The following LARP4B variants were observed in gnomAD, a reference collection of about 807,000 sequenced individuals.
LARP4B encodes la-related protein 4B.
In LARP4B, 12 loss-of-function variants were observed where a neutral mutation model predicts 89.8. The ratio of observed to expected loss-of-function variants is 0.13; its 90% CI spans 0.09 to 0.22. The LOEUF (loss-of-function observed/expected upper bound fraction) is 0.22, where lower values mean the gene tolerates loss of function less well. Among genes scored for constraint, LARP4B ranks in the 10% least tolerant of loss-of-function variants. The pLI is 1.00. For missense variants in LARP4B, 757 were observed against 947.7 expected, an observed-to-expected ratio of 0.80 and a Z score of 2.64; for synonymous variants, 367 against 363.3, an observed-to-expected ratio of 1.01 and a Z score of -0.12.
intron 1 of LARP4B, among the ~76,000 whole-genome samples, chr10:924,061 C>T (rs764524583): frequency 7.9e-5 from 12 of 151,796 alleles, no homozygotes; most frequent in East Asian, 5.8e-4. Flanking sequence ...TAGTGAGACC[C>T]GCCACCTCTA....
intron 15 of LARP4B, 96 bp from the exon 16 acceptor site, chr10:815,166 G>A: frequency 6.9e-7 from 1 of 1,439,750 alleles, no homozygotes. Flanking sequence ...AGCCTTGGGA[G>A]AGCAGCACAA....
chr10:909,162 T>C (rs1158390770), intron 1 of LARP4B, among the ~76,000 whole-genome samples: 9 of 151,406 alleles, frequency 5.9e-5, no homozygotes, highest in South Asian at 4.2e-4. Context: ...GGCATGGTGG[T>C]GGGCACTTGT....
chr10:931,929 G>T (rs951246983), upstream of LARP4B, among the ~76,000 whole-genome samples: 1 of 149,620 alleles, frequency 6.7e-6, no homozygotes, highest in African/African-American at 2.4e-5. Context: ...TGCGATTGGC[G>T]CGTGCGCGCA....
At chr10:877,149 G>A (rs1305921468) in intron 3 of LARP4B, among the ~76,000 whole-genome samples, 1 of 152,216 alleles carries the variant, frequency 6.6e-6, no homozygotes. Context: ...TGATGGGCCT[G>A]TGATGGGGGA....
At chr10:839,831 G>A (rs566564956) in intron 7 of LARP4B, among the ~76,000 whole-genome samples, 1 of 152,142 alleles carries the variant, frequency 6.6e-6, no homozygotes, top group Non-Finnish European at 1.5e-5. Flanking sequence ...ATGGTCACAC[G>A]GAGACTTTTA....
intron 1 of LARP4B, among the ~76,000 whole-genome samples, chr10:906,720 A>T (rs985188658): frequency 1.3e-5 from 2 of 152,198 alleles, no homozygotes; most frequent in African/African-American, 4.8e-5. Context: ...TCAATTCCCT[A>T]CTTCTCATTT....
At position 824,952 on chromosome 10, in the gene LARP4B, C is replaced by T; in HGVS notation, c.1484+113G>A. The T allele has an allele frequency of 2.7e-6, 3 of 1,107,974 alleles. No homozygotes were observed. The East Asian group carries it at 7.9e-5, about 29-fold the overall frequency. 68.6% of individuals were successfully genotyped at this position (1,107,974 alleles called of 1,614,324 possible). A position where few individuals can be genotyped will look rare whatever the true frequency, so the allele number is the denominator to read the frequency against. On this transcript the variant is annotated intron_variant, in intron 13 of 17. Transcript: ENST00000316157. ...TATATAAAACCCTTATGTTTATAGCCTTCAGTTAGATTTTCTGTGACATAT... is the reference window on the plus strand; with the variant it reads ...TATATAAAACCCTTATGTTTATAGCTTTCAGTTAGATTTTCTGTGACATAT...
In LARP4B at chr10:829,389, G is replaced by T. The variant is rs1832782677; in HGVS notation, c.1121C>A (p.Pro374His). 1 of 1,592,734 alleles carries T rather than the reference G, an allele frequency of 6.3e-7. No individual in the cohort carries two copies. The highest frequency in any genetic ancestry group is 8.6e-7 in the Non-Finnish European group (1 of 1,167,888). Residue 374 changes from proline to histidine, a missense_variant, in exon 11 of 18, where the codon CCC (proline) becomes CAC (histidine). Pro to His is a moderately conservative substitution (Grantham distance 77). Transcript: ENST00000316157. ...WSATHSYLDP[P>H]LVTPFPNTGF... ...CCTAGTAAAGAAATGACGTACCAAGGGTGGGTCAAGATAGCTGTGCGTTGC... is the reference window on the plus strand; with the variant it reads ...CCTAGTAAAGAAATGACGTACCAAGTGTGGGTCAAGATAGCTGTGCGTTGC...
the LARP4B span, among the ~76,000 whole-genome samples, chr10:979,993 T>C: frequency 3.9e-5 from 6 of 152,106 alleles, no homozygotes; most frequent in Non-Finnish European, 7.4e-5. Context: ...ACAGTGGAGA[T>C]ATAGGCAGCA....
intron 12 of LARP4B, 53 bp from the exon 13 acceptor site, chr10:825,369 C>T (rs944109654): frequency 2.0e-6 from 3 of 1,533,984 alleles, no homozygotes; most frequent in African/African-American, 1.4e-5. Flanking sequence ...CAAGGCATTA[C>T]ATAACATGCA....
chr10:953,596 C>G, the LARP4B span, among the ~76,000 whole-genome samples: 1 of 148,684 alleles, frequency 6.7e-6, no homozygotes, highest in Non-Finnish European at 1.5e-5. Flanking sequence ...AACTGCATAA[C>G]AGGCAACCTT....
upstream of LARP4B, among the ~76,000 whole-genome samples, chr10:935,722 C>CTTTTTTTTTTTTTTTT (rs10711022): frequency 1.0e-3 from 87 of 83,786 alleles, no homozygotes; most frequent in South Asian, 1.5e-3. Context: ...CTTTTCTTTT[C>CTTTTTTTTTTTTTTTT]TTTTTTTTTT....
chr10:906,377 G>A lies in LARP4B; in HGVS notation c.-39-20617C>T, dbSNP rs570840589. 4.1e-4 allele frequency among the ~76,000 whole-genome samples: 62 copies of A among 152,288 alleles called. No individual in the cohort carries two copies. The South Asian group carries it at 4.1e-3, about 10-fold the overall frequency. Reference sequence around the variant, plus strand: ...TATTAATTAAATCACACAGCTGCACGAATGAGTATGATCGATGAACAAGTT... The same window carrying A: ...TATTAATTAAATCACACAGCTGCACAAATGAGTATGATCGATGAACAAGTT... On this transcript the variant is annotated intron_variant, in intron 1 of 17. Coordinates refer to ENST00000316157, the MANE Select transcript of LARP4B (RefSeq NM_015155.3).
Position 836,419 on chromosome 10 carries a change from T to G in LARP4B, c.734A>C (p.Glu245Ala). The G allele has an allele frequency of 6.2e-7, 1 of 1,608,306 alleles. No individual in the cohort carries two copies. The highest frequency in any genetic ancestry group is 8.5e-7 in the Non-Finnish European group (1 of 1,175,616). ...ATTACTTACTTCCACGGGGGTAGAT[T>G]CAGATATTTCACGCAATATTACTAT... ...RCIVILREIS[E>A]STPVEEVEAL... The change falls in exon 8 of 18, where the codon GAA becomes GCA. Residue 245 changes from glutamate (E) to alanine (A), a missense_variant. Coordinates refer to ENST00000316157, the MANE Select transcript of LARP4B (RefSeq NM_015155.3).
chr10:901,700 T>C (rs1289034748), intron 1 of LARP4B, among the ~76,000 whole-genome samples: 1 of 152,266 alleles, frequency 6.6e-6, no homozygotes, highest in Non-Finnish European at 1.5e-5. Context: ...TAGTTGTTTA[T>C]ACATTTAAAC....
At chr10:975,129 G>A in the LARP4B span, among the ~76,000 whole-genome samples, 8 of 152,202 alleles carry the variant, frequency 5.3e-5, no homozygotes. Flanking sequence ...AAAATTTGAT[G>A]TTTAAAAGGG....
chr10:884,597 C>A lies in LARP4B; in HGVS notation c.82-91G>T, dbSNP rs1007213312. ...CACAGTAATTAGGCAAAACTAAACC[C>A]ACCAAGAAATGCACATTTCACATGA... is the stretch of plus-strand genomic sequence containing the variant. On this transcript the variant is annotated intron_variant, in intron 2 of 17. Transcript: ENST00000316157. 1.0e-4 allele frequency: 80 copies of A among 773,650 alleles called. 1 individual carries two copies. In the African/African-American group the frequency reaches 1.2e-3, roughly 12 times the overall value. The allele number at this position is 773,650 out of a possible 1,614,324, so 47.9% of individuals were successfully genotyped here. A position where few individuals can be genotyped will look rare whatever the true frequency, so the allele number is the denominator to read the frequency against.
At chr10:857,939 CAA>C (rs1834393345) in intron 5 of LARP4B, among the ~76,000 whole-genome samples, 2 of 152,036 alleles carry the variant, frequency 1.3e-5, no homozygotes, top group Non-Finnish European at 1.5e-5. Flanking sequence ...ATAAAAACAT[CAA>C]GAGCAAAAAG....
At chr10:869,487 T>C (rs1168085975) in intron 3 of LARP4B, among the ~76,000 whole-genome samples, 4 of 152,236 alleles carry the variant, frequency 2.6e-5, no homozygotes, top group Admixed American at 1.3e-4. Context: ...AGAATTCATA[T>C]TCTCCAATTT....
Sources: gnomAD v4.1 joint callset for allele counts (sites outside exome capture counted in the v4.1 genomes callset) on GRCh38, gnomAD v4.1.1 for gene constraint, MANE v1.5 for transcripts, NCBI Gene and HGNC (gene_info 2026-07-23, HGNC 2026-07-21) for gene names.